VAT1L: variants seen among roughly 807,000 people sequenced by gnomAD.
VAT1L encodes vesicle amine transport 1 like.
In VAT1L, 34 loss-of-function variants were observed where a neutral mutation model predicts 44.1. That is an observed-to-expected ratio of 0.77 (90% CI 0.59 to 1.03). The LOEUF (loss-of-function observed/expected upper bound fraction) is 1.03. Ranked by LOEUF, VAT1L falls within the 50% of genes least tolerant of loss-of-function variation. The probability of loss-of-function intolerance (pLI) is 0.00; values close to 1 mark genes in which losing one functional copy is unlikely to be tolerated. For missense variants in VAT1L, 615 were observed against 538.8 expected (o/e 1.14, Z -1.40); for synonymous variants, 253 against 202.2 (o/e 1.25, Z -2.13).
rs376283648 is a variant in VAT1L at position 77,907,164 on chromosome 16, C to T, written c.1077+22362C>T. Among the ~76,000 whole-genome samples, 5 of 152,254 alleles carry T rather than the reference C, an allele frequency of 3.3e-5. No homozygotes were observed. In the East Asian group the frequency reaches 5.8e-4, roughly 18 times the overall value. On this transcript the variant is annotated intron_variant, in intron 7 of 8. Coordinates refer to ENST00000302536, the MANE Select transcript of VAT1L (RefSeq NM_020927.3). ...TAAATACTCCCATCGTGACCAATAG[C>T]GGGTTATCAACATGACATCACTGAA...
intron 7 of VAT1L, among the ~76,000 whole-genome samples, chr16:77,905,242 A>T (rs2017426107): frequency 6.6e-6 from 1 of 152,230 alleles, no homozygotes; most frequent in African/African-American, 2.4e-5. Flanking sequence ...TAAAAGAAAA[A>T]TGAAAACATT....
At chr16:77,929,773 G>A (rs147466227) in intron 7 of VAT1L, among the ~76,000 whole-genome samples, 2 of 152,286 alleles carry the variant, frequency 1.3e-5, no homozygotes, top group East Asian at 3.9e-4. Context: ...ACATTTACAG[G>A]TTAAGCAAAC....
chr16:77,923,227 G>A (rs1305047067), intron 7 of VAT1L, among the ~76,000 whole-genome samples: 1 of 152,304 alleles, frequency 6.6e-6, no homozygotes, highest in South Asian at 2.1e-4. Context: ...AAGGTGGGTG[G>A]ATCATGAGGT....
At chr16:77,801,931 C>A (rs967837476) in intron 1 of VAT1L, among the ~76,000 whole-genome samples, 1 of 152,140 alleles carries the variant, frequency 6.6e-6, no homozygotes, top group African/African-American at 2.4e-5. Flanking sequence ...TCTGACTCAA[C>A]GTTTTGCAGC....
At chr16:77,822,914 T>G (rs1159050865) in intron 2 of VAT1L, among the ~76,000 whole-genome samples, 4 of 152,254 alleles carry the variant, frequency 2.6e-5, no homozygotes, top group South Asian at 4.2e-4. Context: ...AGAGCTGCCC[T>G]GGCAGCTGGA....
At chr16:77,818,459 C>A (rs867247818) in intron 2 of VAT1L, among the ~76,000 whole-genome samples, 6 of 152,142 alleles carry the variant, frequency 3.9e-5, no homozygotes, top group African/African-American at 1.2e-4. Context: ...ACCAAAGGCA[C>A]ACTATCTCAC....
chr16:77,854,167 C>A (rs1177807798), intron 3 of VAT1L, among the ~76,000 whole-genome samples: 2 of 152,016 alleles, frequency 1.3e-5, no homozygotes, highest in African/African-American at 4.8e-5. Flanking sequence ...ATATTTTGAG[C>A]AATTGAAAAA....
At chr16:77,926,431 A>G (rs2017669882) in intron 7 of VAT1L, among the ~76,000 whole-genome samples, 2 of 151,632 alleles carry the variant, frequency 1.3e-5, no homozygotes, top group Admixed American at 1.3e-4. Context: ...TAAAAATACA[A>G]AAGTTAGTAG....
At chr16:77,973,728 T>G (rs2018305427) in intron 8 of VAT1L, among the ~76,000 whole-genome samples, 1 of 151,900 alleles carries the variant, frequency 6.6e-6, no homozygotes, top group Non-Finnish European at 1.5e-5. Flanking sequence ...TAAAGTGTTT[T>G]TTTGTTTGTT....
intron 7 of VAT1L, among the ~76,000 whole-genome samples, chr16:77,898,482 G>C (rs1446479682): frequency 1.3e-5 from 2 of 152,196 alleles, no homozygotes; most frequent in African/African-American, 2.4e-5. Context: ...CCCTCCTCCA[G>C]TTATAGCTGT....
chr16:77,965,180 C>G (rs1360090705), intron 7 of VAT1L, among the ~76,000 whole-genome samples: 1 of 152,140 alleles, frequency 6.6e-6, no homozygotes, highest in Non-Finnish European at 1.5e-5. Flanking sequence ...CTGTTTCAGC[C>G]AGCTCCCGGC....
rs986288602 is a variant in VAT1L at position 77,879,893 on chromosome 16, T to C, written c.882+669T>C. Among the ~76,000 whole-genome samples, 1 of 152,188 alleles carries C rather than the reference T, an allele frequency of 6.6e-6. No individual in the cohort carries two copies. The highest frequency in any genetic ancestry group is 1.5e-5 in the Non-Finnish European group (1 of 68,040). On this transcript the variant is annotated intron_variant, in intron 6 of 8. Transcript: ENST00000302536. This position sits in a 1 kb window ranked among gnomAD's most constrained non-coding sequence, Gnocchi z 4.1. ...TTCACTTTGCTACTTTCTGACCAGG[T>C]CTCTGGGGGTACTTGAGATTTCTCT...
chr16:77,946,799 G>C (rs2017973244), intron 7 of VAT1L, among the ~76,000 whole-genome samples: 1 of 152,124 alleles, frequency 6.6e-6, no homozygotes, highest in Non-Finnish European at 1.5e-5. Context: ...TGACTCTAGA[G>C]GACCTGACTA....
intron 2 of VAT1L, among the ~76,000 whole-genome samples, chr16:77,817,721 AG>A (rs1006289734): frequency 7.2e-4 from 109 of 152,340 alleles, no homozygotes; most frequent in African/African-American, 2.4e-3. Context: ...ATTTGTAAAA[AG>A]ATGTATGACC....
chr16:77,927,705 G>A (rs1467920069), intron 7 of VAT1L, among the ~76,000 whole-genome samples: 2 of 151,670 alleles, frequency 1.3e-5, no homozygotes, highest in African/African-American at 2.4e-5. Context: ...GTGAAACCCC[G>A]TCTCTACTAA....
intron 3 of VAT1L, among the ~76,000 whole-genome samples, chr16:77,853,743 C>T (rs978160513): frequency 6.6e-6 from 1 of 151,914 alleles, no homozygotes; most frequent in Non-Finnish European, 1.5e-5. Context: ...GGCTCTGGCA[C>T]CACACACTGA....
chr16:77,794,583 G>T (rs541196881), intron 1 of VAT1L, among the ~76,000 whole-genome samples: 1 of 152,334 alleles, frequency 6.6e-6, no homozygotes, highest in South Asian at 2.1e-4. Flanking sequence ...TAAGGTTGAT[G>T]CAATGAAAGG....
intron 7 of VAT1L, among the ~76,000 whole-genome samples, chr16:77,945,278 C>CTTTTTTTTTTTTTTTTTTTT (rs56055464): frequency 1.2e-5 from 1 of 83,062 alleles, no homozygotes; most frequent in Non-Finnish European, 2.2e-5. Flanking sequence ...GATTGCAGAA[C>CTTTTTTTTTTTTTTTTTTTT]TTTTTTTTTT....
At chr16:77,824,261 ATGTT>A (rs2016492880) in intron 2 of VAT1L, among the ~76,000 whole-genome samples, 1 of 152,122 alleles carries the variant, frequency 6.6e-6, no homozygotes, top group African/African-American at 2.4e-5. Flanking sequence ...CACCTAAATA[ATGTT>A]CAGAGTTTCA....
Sources: allele counts gnomAD v4.1 joint callset (sites outside exome capture counted in the v4.1 genomes callset), GRCh38; gene constraint gnomAD v4.1.1; non-coding constraint Gnocchi (gnomAD v3.1); transcripts MANE v1.5; gene names NCBI Gene and HGNC (gene_info 2026-07-23, HGNC 2026-07-21).